GRM7: variants seen among roughly 807,000 people sequenced by gnomAD.
GRM7 encodes the protein glutamate metabotropic receptor 7, also known as metabotropic glutamate receptor 7.
A neutral mutation model predicts 84.5 loss-of-function variants in GRM7; 35 were observed. That is an observed-to-expected ratio of 0.41 (90% confidence interval 0.32 to 0.55). The LOEUF is 0.55. Ranked by LOEUF, GRM7 falls within the 20% of genes least tolerant of loss-of-function variation. The probability of loss-of-function intolerance (pLI) is 0.19; values close to 1 mark genes in which losing one functional copy is unlikely to be tolerated. For synonymous variants in GRM7, 487 were observed against 455.1 expected, an observed-to-expected ratio of 1.07 and a Z score of -0.89; for missense variants, 1,003 against 1,194.6, an observed-to-expected ratio of 0.84 and a Z score of 2.36.
intron 2 of GRM7, among the ~76,000 whole-genome samples, chr3:7,291,489 G>GCTCTCT (rs71063301): frequency 7.3e-5 from 8 of 109,710 alleles, no homozygotes; most frequent in Non-Finnish European, 1.2e-4. Flanking sequence ...AGTCATGCCA[G>GCTCTCT]CTCTCTCTCT....
intron 2 of GRM7, among the ~76,000 whole-genome samples, chr3:7,185,747 G>A (rs762094166): frequency 2.0e-5 from 3 of 152,204 alleles, no homozygotes; most frequent in Non-Finnish European, 4.4e-5. Flanking sequence ...GGATCCAGCA[G>A]TCTGTTTCAA....
chr3:7,166,667 T>C (rs1371350793), intron 2 of GRM7, among the ~76,000 whole-genome samples: 1 of 152,194 alleles, frequency 6.6e-6, no homozygotes, highest in Non-Finnish European at 1.5e-5. Context: ...ACCAAATCCC[T>C]GCATTGTCTA....
intron 2 of GRM7, among the ~76,000 whole-genome samples, chr3:7,214,813 G>A (rs756796873): frequency 6.6e-5 from 10 of 151,982 alleles, no homozygotes; most frequent in Admixed American, 1.3e-4. Context: ...TTTGTTGTTG[G>A]CCTCATTATC....
chr3:7,139,849 TA>T (rs1693891415), intron 1 of GRM7, among the ~76,000 whole-genome samples: 1 of 151,884 alleles, frequency 6.6e-6, no homozygotes, highest in Admixed American at 6.6e-5. Flanking sequence ...AGTTTCTGTA[TA>T]GCAAAGAAAA....
intron 4 of GRM7, among the ~76,000 whole-genome samples, chr3:7,334,527 G>C (rs1013461547): frequency 6.6e-6 from 1 of 151,626 alleles, no homozygotes; most frequent in South Asian, 2.1e-4. Context: ...AACATACATA[G>C]GCAACAACTA....
intron 1 of GRM7, among the ~76,000 whole-genome samples, chr3:6,981,153 A>C (rs1218688167): frequency 6.6e-6 from 1 of 152,204 alleles, no homozygotes; most frequent in Non-Finnish European, 1.5e-5. Flanking sequence ...AAGGATATTG[A>C]GACACAACTG....
chr3:7,304,765 TTGATTAAAGATA>T lies in GRM7; in HGVS notation c.879-1728_879-1717del, dbSNP rs1445245031. On this transcript the variant is annotated intron_variant, in intron 3 of 9. Transcript: ENST00000357716. ...CTTGTTATTTTTTCGTATCATGTTC[TTGATTAAAGATA>T]TGATCATTCTCATTTAAATGTGTTT... 1.7e-4 allele frequency among the ~76,000 whole-genome samples: 26 copies of T among 152,328 alleles called. No individual in the cohort carries two copies. The East Asian group carries it at 3.7e-3, about 21-fold the overall frequency.
intron 1 of GRM7, among the ~76,000 whole-genome samples, chr3:7,040,459 T>C (rs6806817): frequency 0.62 from 94,084 of 151,704 alleles, 30,773 homozygotes; most frequent in African/African-American, 0.85. Flanking sequence ...CCTGCCACCA[T>C]GCCCAGCTAA....
In GRM7 at chr3:7,151,732, A is replaced by G. The variant is rs894811612; in HGVS notation, c.736+5064A>G. ...GAAGCATGTAGAGAAACACCTTACGATATGTAATTTTGCTAGAAGGCCATA... is the reference window on the plus strand; with the variant it reads ...GAAGCATGTAGAGAAACACCTTACGGTATGTAATTTTGCTAGAAGGCCATA... On this transcript the variant is annotated intron_variant, in intron 2 of 9. Transcript: ENST00000357716. This position sits in a 1 kb window ranked among gnomAD's most constrained non-coding sequence, Gnocchi z 4.5. Among the ~76,000 whole-genome samples the G allele has an allele frequency of 6.6e-6, 1 of 152,118 alleles. No homozygotes were observed. The highest frequency in any genetic ancestry group is 1.5e-5 in the Non-Finnish European group (1 of 68,026).
At chr3:6,924,145 GA>G (rs1277322268) in intron 1 of GRM7, among the ~76,000 whole-genome samples, 1 of 152,128 alleles carries the variant, frequency 6.6e-6, no homozygotes, top group Non-Finnish European at 1.5e-5. Flanking sequence ...ATGGTAAACA[GA>G]AAAGAAATTC....
chr3:7,009,759 A>G (rs1695306832), intron 1 of GRM7, among the ~76,000 whole-genome samples: 1 of 152,150 alleles, frequency 6.6e-6, no homozygotes, highest in African/African-American at 2.4e-5. Context: ...TCTATTGGAT[A>G]GTTATCACAG....
At chr3:7,362,942 C>G (rs1575221678) in intron 4 of GRM7, among the ~76,000 whole-genome samples, 1 of 151,812 alleles carries the variant, frequency 6.6e-6, no homozygotes, top group East Asian at 1.9e-4. Context: ...ATAGCAAGAC[C>G]TCATGTCTGC....
intron 7 of GRM7, among the ~76,000 whole-genome samples, chr3:7,496,335 G>T (rs1699700245): frequency 1.3e-5 from 2 of 152,166 alleles, no homozygotes; most frequent in Non-Finnish European, 2.9e-5. Context: ...TACCTGCATA[G>T]TGCTCTGATC....
chr3:7,287,289 G>A (rs993766463), intron 2 of GRM7, among the ~76,000 whole-genome samples: 3 of 152,170 alleles, frequency 2.0e-5, no homozygotes, highest in Middle Eastern at 3.4e-3. Flanking sequence ...ACTTCTGTTG[G>A]AATTCTCTAA....
chr3:6,889,304 T>A (rs977327572), intron 1 of GRM7, among the ~76,000 whole-genome samples: 1 of 152,184 alleles, frequency 6.6e-6, no homozygotes, highest in Non-Finnish European at 1.5e-5. Flanking sequence ...ATCCCTTTCT[T>A]GTGCCAGTTT....
chr3:7,465,463 A>T (rs942561399), intron 7 of GRM7, among the ~76,000 whole-genome samples: 2 of 148,920 alleles, frequency 1.3e-5, no homozygotes, highest in African/African-American at 2.4e-5. Flanking sequence ...ACCCAGAGGC[A>T]CCCTACCCCT....
chr3:7,692,076 AC>A, intron 9 of GRM7, among the ~76,000 whole-genome samples: 1 of 152,052 alleles, frequency 6.6e-6, no homozygotes, highest in East Asian at 1.9e-4. Flanking sequence ...AAGTCAGGCA[AC>A]CTTTTCTCTA....
intron 8 of GRM7, among the ~76,000 whole-genome samples, chr3:7,667,269 T>TAAAAA (rs111517177): frequency 7.1e-6 from 1 of 140,786 alleles, no homozygotes; most frequent in Admixed American, 7.2e-5. Context: ...CCCTGTCTGT[T>TAAAAA]AAAAAAAAAA....
intron 2 of GRM7, among the ~76,000 whole-genome samples, chr3:7,199,444 A>G (rs556404829): frequency 2.6e-5 from 4 of 152,366 alleles, no homozygotes; most frequent in East Asian, 1.9e-4. Context: ...CCACAAAAAA[A>G]TTCCGTAAGG....
Sources: allele counts gnomAD v4.1 joint callset (sites outside exome capture counted in the v4.1 genomes callset), GRCh38; gene constraint gnomAD v4.1.1; non-coding constraint Gnocchi (gnomAD v3.1); transcripts MANE v1.5; gene names NCBI Gene and HGNC (gene_info 2026-07-23, HGNC 2026-07-21).